Variants in LRP5 observed in about 807,000 individuals in gnomAD.
The protein encoded by LRP5 is LDL receptor related protein 5.
LRP5 carries 62 observed loss-of-function variants against 154.1 expected under a neutral mutation model. The observed-to-expected ratio is 0.40, with a 90% CI of 0.33 to 0.50. The LOEUF (loss-of-function observed/expected upper bound fraction) is 0.50, where lower values mean the gene tolerates loss of function less well. LRP5 is among the 20% of genes least tolerant of loss of function. The pLI is 0.55. For synonymous variants in LRP5, 966 were observed against 1,011.5 expected (o/e 0.96, Z 0.85); for missense variants, 1,915 against 2,336.7 (o/e 0.82, Z 3.72).
At chr11:68,431,972 GC>G (rs1430948044) in intron 17 of LRP5, among the ~76,000 whole-genome samples, 2 of 152,184 alleles carry the variant, frequency 1.3e-5, no homozygotes, top group African/African-American at 4.8e-5. Context: ...TTCTCTTGTG[GC>G]CTCTTCTCCA....
rs373910016 is a variant in LRP5, at chr11:68,386,660, G to T, written c.1360G>T (p.Val454Leu). Reference sequence around the variant, plus strand: ...CAACGGCACCTCCCGCAAGATCCTGGTGTCGGAGGACCTGGACGAGCCCCG... The same window carrying T: ...CAACGGCACCTCCCGCAAGATCCTGTTGTCGGAGGACCTGGACGAGCCCCG... ...RLNGTSRKIL[V>L]SEDLDEPRAI... The change falls in exon 6 of 23, where the codon GTG becomes TTG. Residue 454 changes from valine to leucine, a missense_variant. This residue lies in a region of LRP5 where 773 missense variants were observed against 1,100.9 expected (regional missense o/e 0.70). Transcript: ENST00000294304. The surrounding 1 kb of genome is among the most constrained non-coding windows in gnomAD (Gnocchi z 7.9). 1 of 1,613,466 alleles carries T rather than the reference G, an allele frequency of 6.2e-7. No individual in the cohort carries two copies. The highest frequency in any genetic ancestry group is 1.1e-5 in the South Asian group (1 of 91,086).
At chr11:68,407,771 T>C (rs1313211058) in intron 9 of LRP5, among the ~76,000 whole-genome samples, 1 of 151,912 alleles carries the variant, frequency 6.6e-6, no homozygotes, top group Non-Finnish European at 1.5e-5. Flanking sequence ...TGCTTGAACC[T>C]GGGAGGCGGA....
At position 68,312,855 on chromosome 11, in the gene LRP5, C is replaced by T. The variant is rs2153110286; in HGVS notation, c.91+50C>T. On this transcript the variant is annotated intron_variant, in intron 1 of 22. Coordinates refer to ENST00000294304, the MANE Select transcript of LRP5 (RefSeq NM_002335.4). ...GGCCGCGGGTTGCTCGGACAATGGCCCGGGCGGCCCCGCGGCCAAGTGCGC... is the reference window on the plus strand; with the variant it reads ...GGCCGCGGGTTGCTCGGACAATGGCTCGGGCGGCCCCGCGGCCAAGTGCGC... 3.1e-6 allele frequency: 3 copies of T among 955,342 alleles called. No homozygotes were observed. The East Asian group carries it at 3.1e-4, about 98-fold the overall frequency. The allele number at this position is 955,342 out of a possible 1,614,324, so 59.2% of individuals were successfully genotyped here.
chr11:68,312,736 C>A lies in LRP5; in HGVS notation c.22C>A (p.Pro8Thr), dbSNP rs895427090. 2 of 1,055,900 alleles carry A rather than the reference C, an allele frequency of 1.9e-6. No individual in the cohort carries two copies. Among genetic ancestry groups the A allele is most frequent in the Non-Finnish European group, 1.1e-6 (1 of 875,940 alleles). The allele number at this position is 1,055,900 out of a possible 1,614,324, so 65.4% of individuals were successfully genotyped here. Residue 8 changes from proline to threonine, a missense_variant, in exon 1 of 23, where the codon CCG becomes ACG. Pro to Thr is a conservative substitution (Grantham distance 38, BLOSUM62 -1). This residue lies in a region of LRP5 where 48 missense variants were observed against 25.7 expected (regional missense o/e 1.87). Transcript: ENST00000294304. Reference sequence around the variant, plus strand: ...CAACATGGAGGCAGCGCCGCCCGGGCCGCCGTGGCCGCTGCTGCTGCTGCT... The same window carrying A: ...CAACATGGAGGCAGCGCCGCCCGGGACGCCGTGGCCGCTGCTGCTGCTGCT... Reference protein sequence around the residue: MEAAPPGPPWPLLLLLLL... With the variant: MEAAPPGTPWPLLLLLLL...
In LRP5 at chr11:68,431,231, CTTTTTTTTTTTTTTT is replaced by C. The variant is rs34840282; in HGVS notation, c.3763+1542_3763+1556del. Among the ~76,000 whole-genome samples the C allele has an allele frequency of 3.4e-4, 32 of 92,980 alleles. No individual in the cohort carries two copies. In the South Asian group the frequency reaches 0.012, roughly 36 times the overall value. The allele number at this position is 92,980 out of a possible 152,430, so 61.0% of individuals were successfully genotyped here. A position where few individuals can be genotyped will look rare whatever the true frequency, so the allele number is the denominator to read the frequency against. On this transcript the variant is annotated intron_variant, in intron 17 of 22. Coordinates refer to ENST00000294304, the MANE Select transcript of LRP5 (RefSeq NM_002335.4). Reference sequence around the variant, plus strand: ...CAGCAGCACACACTGGCTGTGCACCCTTTTTTTTTTTTTTTTTTTTTTTTTGAGATGGAGTCTCGC... The same window carrying C: ...CAGCAGCACACACTGGCTGTGCACCCTTTTTTTTTTGAGATGGAGTCTCGC...
chr11:68,312,903 G>A, intron 1 of LRP5, 98 bp downstream of exon 1: 1 of 645,404 alleles, frequency 1.5e-6, no homozygotes, highest in Non-Finnish European at 1.9e-6. Context: ...CGTCTCGGAA[G>A]CGACTTGGCG....
chr11:68,438,849 C>T (rs2098676548), intron 20 of LRP5, among the ~76,000 whole-genome samples, 167 bp downstream of exon 20: 1 of 152,258 alleles, frequency 6.6e-6, no homozygotes, highest in African/African-American at 2.4e-5. Flanking sequence ...TGCTTGGCAT[C>T]AGAATCCTTC....
At chr11:68,380,508 C>T (rs893702894) in intron 5 of LRP5, among the ~76,000 whole-genome samples, 1 of 152,204 alleles carries the variant, frequency 6.6e-6, no homozygotes, top group Non-Finnish European at 1.5e-5. Context: ...TAGGACCCGT[C>T]CGACGATAAC....
intron 21 of LRP5, among the ~76,000 whole-genome samples, chr11:68,441,840 A>T (rs1285567076): frequency 6.6e-6 from 1 of 152,238 alleles, no homozygotes; most frequent in Non-Finnish European, 1.5e-5. Flanking sequence ...CACCACAGTT[A>T]ATTTTAGAAC....
intron 18 of LRP5, among the ~76,000 whole-genome samples, chr11:68,434,353 CA>C (rs1299337581): frequency 0.038 from 105 of 2,762 alleles, no homozygotes; most frequent in Admixed American, 0.071. Flanking sequence ...AGTTTTCTTT[CA>C]TTCATTCATT....
intron 10 of LRP5, 107 bp downstream of exon 10, chr11:68,410,247 A>G (rs2153166562): frequency 1.2e-6 from 1 of 867,598 alleles, no homozygotes; most frequent in East Asian, 2.6e-5. Flanking sequence ...CTCGGTGATT[A>G]GAGCTGTACT....
Position 68,425,230 on chromosome 11 carries a change from C to A in LRP5, c.3365C>A (p.Thr1122Lys). The A allele has an allele frequency of 5.0e-6, 8 of 1,612,744 alleles. No individual in the cohort carries two copies. Among genetic ancestry groups the A allele is most frequent in the Non-Finnish European group, 6.8e-6 (8 of 1,179,998 alleles). The change falls in exon 15 of 23, where the codon ACA (threonine) becomes AAA (lysine). Residue 1122 changes from threonine (T) to lysine (K), a missense_variant. This residue lies in a region of LRP5 where 1,094 missense variants were observed against 1,210.1 expected (regional missense o/e 0.90). Transcript: ENST00000294304. The stretch of plus-strand genomic sequence containing the variant: ...CCTGTGGCCCTGGTGGTGGACAACA[C>A]ACTGGGCAAGCTGTTCTGGGTGGAC... ...IRPVALVVDN[T>K]LGKLFWVDAD...
rs138313299 is a variant in LRP5 at position 68,373,389 on chromosome 11, C to CGG, written c.1015+7694_1015+7695dup. On this transcript the variant is annotated intron_variant, in intron 5 of 22. Transcript: ENST00000294304. ...CCTAGAGGTAGGGATGCGTTGGTGG[C>CGG]GGGGGGGGCCCCGCACTGCTGTGTG... Among the ~76,000 whole-genome samples the CGG allele has an allele frequency of 8.8e-3, 1,334 of 151,628 alleles. 13 individuals carry two copies. Among genetic ancestry groups the CGG allele is most frequent in the African/African-American group, 0.021 (879 of 41,340 alleles).
intron 18 of LRP5, among the ~76,000 whole-genome samples, chr11:68,436,553 A>C (rs182797077): frequency 1.5e-4 from 22 of 148,266 alleles, no homozygotes; most frequent in African/African-American, 3.5e-4. Context: ...CTTGGCACCC[A>C]CCCCCCCACC....
chr11:68,314,763 T>C (rs550174373), intron 1 of LRP5, among the ~76,000 whole-genome samples: 227 of 152,324 alleles, frequency 1.5e-3, no homozygotes, highest in African/African-American at 5.2e-3. Context: ...GGCCGGGCCC[T>C]CTGGGAGAGC....
chr11:68,438,671 G>A lies in LRP5; in HGVS notation c.4337G>A (p.Gly1446Asp), dbSNP rs143166423. The change falls in exon 20 of 23, where the codon GGC becomes GAC. Residue 1446 changes from glycine (G) to aspartate (D), a missense_variant. Physicochemically the swap from Gly to Asp is moderately conservative, Grantham distance 94 (BLOSUM62 -1). Coordinates refer to ENST00000294304, the MANE Select transcript of LRP5 (RefSeq NM_002335.4). ...ATAGCCCCGGGCGGTTCCCAGCATG[G>A]CCCCTTCACAGGTAAGGAGCCTGAG... Reference protein sequence around the residue: ...NFIAPGGSQHGPFTGIACGKS... With the variant: ...NFIAPGGSQHDPFTGIACGKS... 1.2e-6 allele frequency: 2 copies of A among 1,612,332 alleles called. No homozygotes were observed. Among genetic ancestry groups the A allele is most frequent in the Non-Finnish European group, 1.7e-6 (2 of 1,179,914 alleles).
chr11:68,362,521 C>CA (rs761248168), intron 3 of LRP5, among the ~76,000 whole-genome samples: 2 of 151,844 alleles, frequency 1.3e-5, no homozygotes, highest in African/African-American at 2.4e-5. Flanking sequence ...CTGTCTCTAC[C>CA]AAAAAGATAC....
intron 21 of LRP5, among the ~76,000 whole-genome samples, chr11:68,441,035 T>A (rs775039475): frequency 6.6e-5 from 10 of 152,206 alleles, no homozygotes; most frequent in African/African-American, 1.2e-4. Flanking sequence ...CCCAAAGTGC[T>A]GGGATTACAG....
intron 21 of LRP5, chr11:68,445,804 A>G (rs2098681136): frequency 1.8e-6 from 1 of 542,872 alleles, no homozygotes; most frequent in Non-Finnish European, 3.0e-6. Context: ...TTGTCTATTT[A>G]CTATCCCCGC....
Sources: gnomAD v4.1 joint callset for allele counts (sites outside exome capture counted in the v4.1 genomes callset) on GRCh38, gnomAD v4.1.1 for gene constraint, gnomAD v4.1.1 regional missense constraint, Gnocchi (gnomAD v3.1) non-coding constraint, MANE v1.5 for transcripts, NCBI Gene and HGNC (gene_info 2026-07-23, HGNC 2026-07-21) for gene names.